POLA1: variants seen among roughly 807,000 people sequenced by gnomAD.
The protein encoded by POLA1 is DNA polymerase alpha 1, catalytic subunit.
A neutral mutation model predicts 124.0 loss-of-function variants in POLA1; 15 were observed. The ratio of observed to expected loss-of-function variants is 0.12; its 90% confidence interval spans 0.08 to 0.19. The LOEUF is 0.19. Ranked by LOEUF, POLA1 falls within the 10% of genes least tolerant of loss-of-function variation. The probability of loss-of-function intolerance (pLI) is 1.00; values close to 1 mark genes in which losing one functional copy is unlikely to be tolerated. For synonymous variants in POLA1, 408 were observed against 389.4 expected, an observed-to-expected ratio of 1.05 and a Z score of -0.56; for missense variants, 886 against 1,103.4, an observed-to-expected ratio of 0.80 and a Z score of 2.79.
chrX:24,693,999 C>A lies in POLA1; in HGVS notation c.38C>A (p.Ala13Glu). The A allele has an allele frequency of 8.4e-7, 1 of 1,186,830 alleles. No individual in the cohort carries two copies. Among genetic ancestry groups the A allele is most frequent in the Non-Finnish European group, 1.1e-6 (1 of 882,141 alleles). ...CACGGCGACGACTGTGAGATAGGGG[C>A]GAGTGGTGAGGGACAATTCCGCGCG... ...PVHGDDCEIG[A>E]SALSDSGSFV... The change falls in exon 1 of 37, where the codon GCG becomes GAG. Residue 13 changes from alanine to glutamate, a missense_variant. Around this residue, in one of 7 missense-constraint regions of POLA1, gnomAD observed 49 missense variants for 39.2 expected, o/e 1.25. Coordinates refer to ENST00000379068, the MANE Select transcript of POLA1 (RefSeq NM_001330360.2).
intron 35 of POLA1, among the ~76,000 whole-genome samples, chrX:24,926,345 C>T (rs1057047051): frequency 1.8e-5 from 2 of 111,313 alleles, no homozygotes; most frequent in Non-Finnish European, 3.8e-5. Flanking sequence ...ATAAGGGGGG[C>T]CTCTGGGATA....
intron 26 of POLA1, among the ~76,000 whole-genome samples, chrX:24,763,021 A>G (rs182824690): frequency 8.9e-6 from 1 of 111,774 alleles, no homozygotes; most frequent in Admixed American, 9.5e-5. Context: ...TACAGGCATG[A>G]GCCACCACGC....
intron 26 of POLA1, among the ~76,000 whole-genome samples, chrX:24,803,646 A>C (rs2045752536): frequency 9.0e-6 from 1 of 111,015 alleles, no homozygotes; most frequent in East Asian, 2.8e-4. Context: ...GAATATGGAA[A>C]TATATCCTCA....
intron 13 of POLA1, 33 bp downstream of exon 13, chrX:24,726,088 C>T (rs752025364): frequency 1.1e-5 from 10 of 901,092 alleles, no homozygotes; most frequent in South Asian, 2.2e-5. Flanking sequence ...CTGGGTTTTG[C>T]TTGAGAATGA....
chrX:24,805,299 T>C (rs1306916622), intron 26 of POLA1, among the ~76,000 whole-genome samples: 1 of 111,590 alleles, frequency 9.0e-6, no homozygotes, highest in African/African-American at 3.3e-5. Context: ...CTGACTGAAA[T>C]ATCGGCGTGA....
chrX:24,964,846 A>C (rs1428403558), intron 36 of POLA1, among the ~76,000 whole-genome samples: 1 of 112,203 alleles, frequency 8.9e-6, no homozygotes, highest in African/African-American at 3.2e-5. Flanking sequence ...TCCTGATGCT[A>C]ATTCTGGGAG....
At chrX:24,961,255 G>A (rs771840386) in intron 36 of POLA1, among the ~76,000 whole-genome samples, 3 of 111,435 alleles carry the variant, frequency 2.7e-5, no homozygotes, top group East Asian at 2.8e-4. Context: ...CTTGGATGGC[G>A]TCCCTTTGGT....
At chrX:24,725,778 T>A (rs1385435961) in intron 12 of POLA1, among the ~76,000 whole-genome samples, 1 of 112,337 alleles carries the variant, frequency 8.9e-6, no homozygotes, top group Non-Finnish European at 1.9e-5. Flanking sequence ...CTGAGTTCTG[T>A]AGTGTCCAAG....
At position 24,951,376 on chromosome X, in the gene POLA1, A is replaced by G. The variant is rs1047497793; in HGVS notation, c.4261+20827A>G. 6.4e-3 allele frequency among the ~76,000 whole-genome samples: 515 copies of G among 80,634 alleles called. 3 individuals are homozygous for G. The highest frequency in any genetic ancestry group is 9.5e-3 in the Non-Finnish European group (426 of 44,925). 70.0% of individuals were successfully genotyped at this position (80,634 alleles called of 115,157 possible). On this transcript the variant is annotated intron_variant, in intron 36 of 36. Transcript: ENST00000379068. ...CCCCCCCCACCAAATGCAGACGAGGATATTTTATTATAAATAATACTGGAA... is the reference window on the plus strand; with the variant it reads ...CCCCCCCCACCAAATGCAGACGAGGGTATTTTATTATAAATAATACTGGAA...
chrX:24,749,106 C>A, intron 26 of POLA1, 114 bp downstream of exon 26: 1 of 536,890 alleles, frequency 1.9e-6, no homozygotes, highest in Non-Finnish European at 3.1e-6. Context: ...AAATACAGTA[C>A]CCCTCTCTTT....
Position 24,934,573 on chromosome X carries a change from C to T in POLA1, c.4261+4024C>T, listed in dbSNP as rs758581013. Among the ~76,000 whole-genome samples the T allele has an allele frequency of 3.7e-4, 42 of 112,409 alleles. 1 individual carries two copies. In the South Asian group the frequency reaches 0.016, roughly 42 times the overall value. Reference sequence around the variant, plus strand: ...CTCATTTAGTAGATGCTTCTCTCCTCATATTCTGTGTCAGCTATTAATAGT... The same window carrying T: ...CTCATTTAGTAGATGCTTCTCTCCTTATATTCTGTGTCAGCTATTAATAGT... On this transcript the variant is annotated intron_variant, in intron 36 of 36. Transcript: ENST00000379068.
At chrX:24,941,844 A>G (rs985711959) in intron 36 of POLA1, among the ~76,000 whole-genome samples, 5 of 112,145 alleles carry the variant, frequency 4.5e-5, no homozygotes, top group African/African-American at 1.6e-4. Context: ...CCCTAGCACC[A>G]TCCCCTAGAG....
intron 34 of POLA1, among the ~76,000 whole-genome samples, chrX:24,861,552 TGG>T (rs1236010150): frequency 8.9e-6 from 1 of 112,921 alleles, no homozygotes; most frequent in African/African-American, 3.2e-5. Flanking sequence ...CCTGGTTCTC[TGG>T]TAATCTTTTT....
intron 34 of POLA1, among the ~76,000 whole-genome samples, chrX:24,877,786 T>C (rs1238886487): frequency 8.9e-6 from 1 of 111,919 alleles, no homozygotes; most frequent in African/African-American, 3.2e-5. Flanking sequence ...TCAGAAAATA[T>C]ATAATCCTAC....
At chrX:24,975,457 C>CA (rs35623863) in intron 36 of POLA1, among the ~76,000 whole-genome samples, 155 of 101,429 alleles carry the variant, frequency 1.5e-3, no homozygotes, top group East Asian at 4.0e-3. Context: ...TCTTTCAAAA[C>CA]AAAAAAAAAA....
At chrX:24,829,951 C>T (rs1041224583) in intron 32 of POLA1, among the ~76,000 whole-genome samples, 7 of 111,892 alleles carry the variant, frequency 6.3e-5, no homozygotes, top group Non-Finnish European at 1.3e-4. Flanking sequence ...AAATACAAGC[C>T]CTCCAACTGC....
At chrX:24,821,652 G>A (rs964478017) in intron 31 of POLA1, 69 bp downstream of exon 31, 10 of 855,768 alleles carry the variant, frequency 1.2e-5, no homozygotes, top group Admixed American at 7.7e-5. Flanking sequence ...AATTACCACA[G>A]TGTCTTATTT....
rs188842269 is a variant in POLA1, at chrX:24,763,519, G to A, written c.2964+14527G>A. On this transcript the variant is annotated intron_variant, in intron 26 of 36. Coordinates refer to ENST00000379068, the MANE Select transcript of POLA1 (RefSeq NM_001330360.2). ...ATTGTTAAATGAAGCCATGGACATG[G>A]ATGAGATTACTTTGGGAGAGAGGAG... 2.7e-5 allele frequency among the ~76,000 whole-genome samples: 3 copies of A among 111,488 alleles called. No homozygotes were observed. The Admixed American group carries it at 2.9e-4, about 11-fold the overall frequency.
chrX:24,882,520 C>T (rs773424416), intron 34 of POLA1, among the ~76,000 whole-genome samples: 1 of 110,974 alleles, frequency 9.0e-6, no homozygotes, highest in South Asian at 3.9e-4. Context: ...CCTTTATGTT[C>T]ATGTGTACCC....
Sources: allele counts gnomAD v4.1 joint callset (sites outside exome capture counted in the v4.1 genomes callset), GRCh38; gene constraint gnomAD v4.1.1; regional missense constraint gnomAD v4.1.1; transcripts MANE v1.5; gene names NCBI Gene and HGNC (gene_info 2026-07-23, HGNC 2026-07-21).